BRINP3: variants seen among roughly 807,000 people sequenced by gnomAD.
The protein encoded by BRINP3 is BMP/retinoic acid inducible neural specific 3.
BRINP3 carries 19 observed loss-of-function variants against 71.0 expected under a neutral mutation model. That is an observed-to-expected ratio of 0.27 (90% confidence interval 0.19 to 0.39). The LOEUF (loss-of-function observed/expected upper bound fraction) is 0.39, where lower values mean the gene tolerates loss of function less well. BRINP3 is among the 10% of genes least tolerant of loss of function. The pLI is 1.00. For missense variants in BRINP3, 959 were observed against 940.8 expected, an observed-to-expected ratio of 1.02 and a Z score of -0.25; for synonymous variants, 380 against 337.7, an observed-to-expected ratio of 1.13 and a Z score of -1.37.
At chr1:190,189,768 C>T (rs1020049192) in intron 6 of BRINP3, among the ~76,000 whole-genome samples, 12 of 151,716 alleles carry the variant, frequency 7.9e-5, no homozygotes, top group African/African-American at 2.9e-4. Context: ...TTCTTTAGGC[C>T]ATATTATTTT....
intron 2 of BRINP3, among the ~76,000 whole-genome samples, chr1:190,288,933 T>C (rs951065207): frequency 1.4e-4 from 21 of 151,898 alleles, no homozygotes; most frequent in African/African-American, 4.8e-4. Flanking sequence ...AAAATAATGT[T>C]TGCTGACAAT....
chr1:190,472,403 A>G (rs1240587809), intron 1 of BRINP3, among the ~76,000 whole-genome samples: 1 of 151,734 alleles, frequency 6.6e-6, no homozygotes, highest in African/African-American at 2.4e-5. Flanking sequence ...AATCATAAGC[A>G]CACAATCATA....
chr1:190,281,702 A>T lies in BRINP3; in HGVS notation c.285T>A (p.Asn95Lys), dbSNP rs1185450892. 6 of 1,612,680 alleles carry T rather than the reference A, an allele frequency of 3.7e-6. No individual in the cohort carries two copies. The highest frequency in any genetic ancestry group is 5.1e-6 in the Non-Finnish European group (6 of 1,179,248). Residue 95 changes from asparagine (N) to lysine (K), a missense_variant, in exon 3 of 8, where the codon AAT (asparagine) becomes AAA (lysine). Coordinates refer to ENST00000367462, the MANE Select transcript of BRINP3 (RefSeq NM_199051.3). ...CAAGAGGCAGAGGAGAGCCAAGGAA[A>T]TTTCTTCTCTCAACTGCAAGGTTAT... ...KVNNLAVERR[N>K]FLGSPLPLAP...
At chr1:190,214,131 TC>T (rs1167843540) in intron 6 of BRINP3, among the ~76,000 whole-genome samples, 2 of 151,990 alleles carry the variant, frequency 1.3e-5, no homozygotes, top group African/African-American at 2.4e-5. Flanking sequence ...CAAAGAGCAT[TC>T]CCCACCTTCA....
rs534402252 is a variant in BRINP3, at chr1:190,361,979, T to C, written c.237-80229A>G. The stretch of plus-strand genomic sequence containing the variant: ...AGGGTTAGATGAGATCATGAGCTTA[T>C]GGTCTTCATGATGAAATTAGAACTC... On this transcript the variant is annotated intron_variant, in intron 2 of 7. Coordinates refer to ENST00000367462, the MANE Select transcript of BRINP3 (RefSeq NM_199051.3). 1.7e-4 allele frequency: 26 copies of C among 152,232 alleles called. 1 individual carries two copies. Among genetic ancestry groups the C allele is most frequent in the Admixed American group, 1.6e-3 (24 of 15,282 alleles). The allele number at this position is 152,232 out of a possible 1,614,324, so 9.4% of individuals were successfully genotyped here.
intron 2 of BRINP3, among the ~76,000 whole-genome samples, chr1:190,335,087 T>C (rs1479010559): frequency 6.6e-6 from 1 of 151,890 alleles, no homozygotes; most frequent in African/African-American, 2.4e-5. Flanking sequence ...CAGGAAAATT[T>C]AGTTAGCCAT....
intron 2 of BRINP3, among the ~76,000 whole-genome samples, chr1:190,328,114 T>C (rs1241856126): frequency 6.6e-6 from 1 of 151,884 alleles, no homozygotes; most frequent in Non-Finnish European, 1.5e-5. Flanking sequence ...GTTAGAGAGA[T>C]CTCAAACTGA....
intron 2 of BRINP3, among the ~76,000 whole-genome samples, chr1:190,393,918 T>C (rs1416953615): frequency 6.6e-6 from 1 of 151,614 alleles, no homozygotes; most frequent in Non-Finnish European, 1.5e-5. Context: ...AAGAAATATA[T>C]AGAGGAAACA....
chr1:190,449,249 C>A (rs976423016), intron 2 of BRINP3, among the ~76,000 whole-genome samples: 1 of 151,602 alleles, frequency 6.6e-6, no homozygotes, highest in African/African-American at 2.4e-5. Context: ...ATTATCACAC[C>A]CTCCAAACTC....
chr1:190,393,854 T>C (rs2102318088), intron 2 of BRINP3, among the ~76,000 whole-genome samples: 1 of 151,658 alleles, frequency 6.6e-6, no homozygotes, highest in East Asian at 1.9e-4. Flanking sequence ...ATTTCAGTTT[T>C]AAAAAGTGTT....
Position 190,116,627 on chromosome 1 carries a change from T to A in BRINP3, c.1185-17493A>T, listed in dbSNP as rs1015964245. ...TGTAAACATAACAATCTAAAGGGAC[T>A]AAACACAATTTCAAAAGAACACATT... is the stretch of plus-strand genomic sequence containing the variant. On this transcript the variant is annotated intron_variant, in intron 7 of 7. Coordinates refer to ENST00000367462, the MANE Select transcript of BRINP3 (RefSeq NM_199051.3). 5.3e-5 allele frequency among the ~76,000 whole-genome samples: 8 copies of A among 152,072 alleles called. No individual in the cohort carries two copies. The South Asian group carries it at 1.2e-3, about 24-fold the overall frequency.
chr1:190,290,702 G>A (rs1035053747), intron 2 of BRINP3, among the ~76,000 whole-genome samples: 1 of 152,080 alleles, frequency 6.6e-6, no homozygotes, highest in Non-Finnish European at 1.5e-5. Flanking sequence ...GCACTGAGGT[G>A]TGTGCTCTTT....
At chr1:190,158,992 T>A (rs1253109790) in intron 7 of BRINP3, among the ~76,000 whole-genome samples, 1 of 151,916 alleles carries the variant, frequency 6.6e-6, no homozygotes, top group East Asian at 1.9e-4. Context: ...AATCAGAACA[T>A]ATGAAGTCCT....
At chr1:190,127,064 C>G (rs1003428142) in intron 7 of BRINP3, among the ~76,000 whole-genome samples, 2 of 151,758 alleles carry the variant, frequency 1.3e-5, no homozygotes, top group African/African-American at 2.4e-5. Context: ...CTGTGTCTCA[C>G]CATTGTACAC....
intron 2 of BRINP3, among the ~76,000 whole-genome samples, chr1:190,453,215 T>TTTTTTTTTTTTTC (rs1675753289): frequency 1.2e-5 from 1 of 83,956 alleles, no homozygotes; most frequent in Non-Finnish European, 2.4e-5. Flanking sequence ...TTTTTTTTTT[T>TTTTTTTTTTTTTC]TTTTTTTTTT....
chr1:190,431,876 T>A (rs1157885242), intron 2 of BRINP3, among the ~76,000 whole-genome samples: 4 of 152,150 alleles, frequency 2.6e-5, no homozygotes, highest in Non-Finnish European at 4.4e-5. Flanking sequence ...ATGCATTTTA[T>A]TTGAAAATGT....
intron 3 of BRINP3, among the ~76,000 whole-genome samples, chr1:190,265,702 G>T (rs972830974): frequency 6.6e-6 from 1 of 151,482 alleles, no homozygotes; most frequent in Non-Finnish European, 1.5e-5. Flanking sequence ...GCGACAGAGC[G>T]AGACTCCGTC....
At chr1:190,218,524 G>C (rs551958204) in intron 6 of BRINP3, among the ~76,000 whole-genome samples, 2 of 152,146 alleles carry the variant, frequency 1.3e-5, no homozygotes, top group South Asian at 4.1e-4. Context: ...TGAAGAATGA[G>C]TAATTCAAAC....
chr1:190,136,054 G>A (rs1439165888), intron 7 of BRINP3, among the ~76,000 whole-genome samples: 1 of 151,900 alleles, frequency 6.6e-6, no homozygotes. Context: ...TGTAGCAAAC[G>A]TCTTCTATTC....
Sources: gnomAD v4.1 joint callset for allele counts (sites outside exome capture counted in the v4.1 genomes callset) on GRCh38, gnomAD v4.1.1 for gene constraint, MANE v1.5 for transcripts, NCBI Gene and HGNC (gene_info 2026-07-23, HGNC 2026-07-21) for gene names.